Variants in FHIT observed in about 807,000 individuals in gnomAD.
The protein encoded by FHIT is fragile histidine triad diadenosine triphosphatase.
Under a neutral mutation model 17.9 loss-of-function variants are expected in FHIT, and 19 were observed. That is an observed-to-expected ratio of 1.06 (90% CI 0.74 to 1.56). FHIT has a LOEUF of 1.56. Among genes scored for constraint, FHIT ranks in the 40% most tolerant of loss-of-function variants. FHIT has a pLI of 0.00. For synonymous variants in FHIT, 81 were observed against 69.7 expected (o/e 1.16, Z -0.81); for missense variants, 248 against 189.2 (o/e 1.31, Z -1.82).
chr3:60,203,859 T>A (rs1703032550), intron 5 of FHIT, among the ~76,000 whole-genome samples: 1 of 152,174 alleles, frequency 6.6e-6, no homozygotes, highest in South Asian at 2.1e-4. Flanking sequence ...AAACTTCGCA[T>A]GTTCTCACTT....
intron 5 of FHIT, among the ~76,000 whole-genome samples, chr3:60,405,629 G>A (rs1234664487): frequency 1.3e-5 from 2 of 152,212 alleles, no homozygotes; most frequent in African/African-American, 4.8e-5. Flanking sequence ...CCCAAGAGAA[G>A]CCTCCTACAT....
intron 5 of FHIT, among the ~76,000 whole-genome samples, chr3:60,386,794 A>C (rs1160622846): frequency 1.3e-5 from 2 of 152,186 alleles, no homozygotes; most frequent in African/African-American, 4.8e-5. Flanking sequence ...GTTCCAGACG[A>C]TATGTGGTAG....
intron 3 of FHIT, among the ~76,000 whole-genome samples, chr3:60,922,748 T>C (rs1353341230): frequency 6.6e-6 from 1 of 152,212 alleles, no homozygotes; most frequent in Non-Finnish European, 1.5e-5. Context: ...TTCTCCATCT[T>C]ACCTTCTTTA....
At chr3:60,046,574 A>G (rs1276244717) in intron 5 of FHIT, among the ~76,000 whole-genome samples, 1 of 152,236 alleles carries the variant, frequency 6.6e-6, no homozygotes, top group African/African-American at 2.4e-5. Flanking sequence ...AGGGGGAAAA[A>G]TAAAAAAGAC....
chr3:60,418,142 C>T (rs375570034), intron 5 of FHIT, among the ~76,000 whole-genome samples: 3 of 151,686 alleles, frequency 2.0e-5, no homozygotes, highest in African/African-American at 7.3e-5. Context: ...TTTGTGATCT[C>T]GGCTAAAAGA....
chr3:60,043,202 A>T (rs1317358729), intron 5 of FHIT, among the ~76,000 whole-genome samples: 2 of 152,188 alleles, frequency 1.3e-5, no homozygotes. Flanking sequence ...AACCCACAAC[A>T]ACGGTGACAT....
chr3:59,800,376 T>C (rs1699945372), intron 8 of FHIT, among the ~76,000 whole-genome samples: 6 of 152,146 alleles, frequency 3.9e-5, no homozygotes, highest in Admixed American at 3.9e-4. Context: ...ACACACAAAG[T>C]CTTCGCCTCA....
chr3:60,679,587 T>C (rs901237223), intron 4 of FHIT, among the ~76,000 whole-genome samples: 2 of 152,160 alleles, frequency 1.3e-5, no homozygotes. Flanking sequence ...TTCCATAATT[T>C]ATTTAACAAT....
intron 4 of FHIT, among the ~76,000 whole-genome samples, chr3:60,691,049 C>T (rs372373338): frequency 1.3e-5 from 2 of 152,122 alleles, no homozygotes; most frequent in East Asian, 3.9e-4. Context: ...AAAAAATTAC[C>T]AAGTTGAAAT....
intron 4 of FHIT, among the ~76,000 whole-genome samples, chr3:60,694,367 T>G (rs1553700120): frequency 6.6e-6 from 1 of 151,556 alleles, no homozygotes; most frequent in African/African-American, 2.4e-5. Flanking sequence ...CAATGAGATA[T>G]CACCTCACAC....
intron 2 of FHIT, among the ~76,000 whole-genome samples, chr3:61,124,928 C>A (rs1576060157): frequency 6.6e-6 from 1 of 152,106 alleles, no homozygotes. Context: ...TATTTTATAG[C>A]CTCCATGCTG....
At chr3:60,621,822 A>G (rs2107754277) in intron 4 of FHIT, among the ~76,000 whole-genome samples, 1 of 151,680 alleles carries the variant, frequency 6.6e-6, no homozygotes. Context: ...ACAGGGAGCT[A>G]TGATCATGCC....
chr3:60,687,871 C>T (rs1553698785), intron 4 of FHIT, among the ~76,000 whole-genome samples: 1 of 152,072 alleles, frequency 6.6e-6, no homozygotes, highest in Non-Finnish European at 1.5e-5. Flanking sequence ...GCCTTATCTT[C>T]ATTGTGAAGT....
At chr3:60,244,409 AAATT>A (rs1705287343) in intron 5 of FHIT, among the ~76,000 whole-genome samples, 1 of 152,130 alleles carries the variant, frequency 6.6e-6, no homozygotes, top group Non-Finnish European at 1.5e-5. Context: ...GAGCTGTAGT[AAATT>A]AGTCACTTAA....
chr3:60,859,182 G>A (rs1703511368), intron 3 of FHIT, among the ~76,000 whole-genome samples: 13 of 152,154 alleles, frequency 8.5e-5, no homozygotes, highest in Admixed American at 8.5e-4. Flanking sequence ...TCGAATAGTG[G>A]TTAAGCACAT....
At chr3:59,842,011 CTT>C (rs1701552295) in intron 8 of FHIT, among the ~76,000 whole-genome samples, 1 of 152,092 alleles carries the variant, frequency 6.6e-6, no homozygotes, top group African/African-American at 2.4e-5. Flanking sequence ...GTGCAGAACT[CTT>C]TTTCGTCTTG....
intron 5 of FHIT, among the ~76,000 whole-genome samples, chr3:60,293,999 A>C (rs1472580940): frequency 6.6e-6 from 1 of 152,170 alleles, no homozygotes; most frequent in Non-Finnish European, 1.5e-5. Context: ...AAGCAATCTC[A>C]GCAATATATT....
intron 4 of FHIT, among the ~76,000 whole-genome samples, chr3:60,601,145 G>T (rs1431230856): frequency 2.0e-5 from 3 of 152,186 alleles, no homozygotes; most frequent in Non-Finnish European, 4.4e-5. Context: ...TGAGGAATGG[G>T]CCCAGGGACA....
intron 5 of FHIT, among the ~76,000 whole-genome samples, chr3:60,276,656 A>AT (rs1451838111): frequency 1.3e-5 from 2 of 152,148 alleles, no homozygotes; most frequent in South Asian, 4.1e-4. Context: ...AGACTGGGTA[A>AT]TTTTTAAAGA....
Sources: allele counts gnomAD v4.1 joint callset (sites outside exome capture counted in the v4.1 genomes callset), GRCh38; gene constraint gnomAD v4.1.1; transcripts MANE v1.5; gene names NCBI Gene and HGNC (gene_info 2026-07-23, HGNC 2026-07-21).